The following ROBO2 variants were observed in gnomAD, a reference collection of about 807,000 sequenced individuals.
The protein encoded by ROBO2 is roundabout homolog 2.
A neutral mutation model predicts 160.8 loss-of-function variants in ROBO2; 53 were observed. The observed-to-expected ratio is 0.33, with a 90% CI of 0.26 to 0.41. The LOEUF is 0.41. Ranked by LOEUF, ROBO2 falls within the 10% of genes least tolerant of loss-of-function variation. The probability of loss-of-function intolerance (pLI) is 1.00; values close to 1 mark genes in which losing one functional copy is unlikely to be tolerated. For missense variants in ROBO2, 1,577 were observed against 1,722.4 expected, an observed-to-expected ratio of 0.92 and a Z score of 1.49; for synonymous variants, 664 against 611.7, an observed-to-expected ratio of 1.09 and a Z score of -1.26.
At chr3:76,220,441 A>G (rs1703890587) in intron 2 of ROBO2, among the ~76,000 whole-genome samples, 1 of 151,984 alleles carries the variant, frequency 6.6e-6, no homozygotes, top group Admixed American at 6.6e-5. Context: ...TCACACAGGG[A>G]TTAGTGCCTT....
intron 2 of ROBO2, among the ~76,000 whole-genome samples, chr3:76,521,906 G>A (rs1341261178): frequency 3.9e-5 from 6 of 152,146 alleles, no homozygotes; most frequent in Middle Eastern, 3.4e-3. Flanking sequence ...TATAAGCCAC[G>A]TGGCAATATA....
chr3:75,929,419 A>G (rs1947437858), intron 1 of ROBO2, among the ~76,000 whole-genome samples: 1 of 152,118 alleles, frequency 6.6e-6, no homozygotes, highest in South Asian at 2.1e-4. Context: ...GCTAAGTTCC[A>G]TATTGCTTTG....
intron 2 of ROBO2, among the ~76,000 whole-genome samples, chr3:77,012,729 G>A (rs1003256813): frequency 3.3e-5 from 5 of 152,134 alleles, no homozygotes; most frequent in African/African-American, 1.2e-4. Context: ...AAAAATTCAG[G>A]TTGTCAGACC....
intron 2 of ROBO2, among the ~76,000 whole-genome samples, chr3:76,644,913 A>G (rs936249909): frequency 5.9e-5 from 9 of 152,346 alleles, no homozygotes; most frequent in Admixed American, 3.9e-4. Context: ...TGACAACCCT[A>G]TGAAATGGGC....
In ROBO2 at chr3:76,335,173, G is replaced by GT. The variant is rs2073783018; in HGVS notation, c.109+397575dup. Among the ~76,000 whole-genome samples the GT allele has an allele frequency of 8.3e-4, 78 of 94,134 alleles. 1 individual carries two copies. Among genetic ancestry groups the GT allele is most frequent in the South Asian group, 1.5e-3 (4 of 2,714 alleles). 61.8% of individuals were successfully genotyped at this position (94,134 alleles called of 152,430 possible). A position where few individuals can be genotyped will look rare whatever the true frequency, so the allele number is the denominator to read the frequency against. On this transcript the variant is annotated intron_variant, in intron 2 of 26. Coordinates refer to the ROBO2 transcript ENST00000487694. ...TGAGCCACCACATCCAAACTTTTCT[G>GT]TTTTGTTTTTTTTTTTTTTTTTTTT...
intron 5 of ROBO2, among the ~76,000 whole-genome samples, chr3:77,509,310 A>G (rs772442131): frequency 6.6e-6 from 1 of 152,056 alleles, no homozygotes; most frequent in Non-Finnish European, 1.5e-5. Context: ...ACAAAGGAAA[A>G]GCAGCAAGTT....
At position 77,047,680 on chromosome 3, in the gene ROBO2, C is replaced by T. The variant is rs530398200; in HGVS notation, c.61+6834C>T. ...CCAGCCTAGGCAACGGGCAAAACTC[C>T]GTCTCAAAAAAATATATATAATGAT... On this transcript the variant is annotated intron_variant, in intron 1 of 25. Coordinates refer to ENST00000461745, the Ensembl canonical transcript of ROBO2. Among the ~76,000 whole-genome samples the T allele has an allele frequency of 1.5e-4, 22 of 148,312 alleles. No homozygotes were observed. In the South Asian group the frequency reaches 3.6e-3, roughly 24 times the overall value.
intron 2 of ROBO2, among the ~76,000 whole-genome samples, chr3:77,016,251 A>G (rs1188565271): frequency 6.6e-6 from 1 of 152,164 alleles, no homozygotes; most frequent in Non-Finnish European, 1.5e-5. Context: ...CTGGGATTAC[A>G]GGCATGAGCC....
At chr3:76,336,231 G>GA (rs11414512) in intron 2 of ROBO2, among the ~76,000 whole-genome samples, 115,350 of 151,878 alleles carry the variant, frequency 0.76, 46,851 homozygotes, top group East Asian at 0.96. Flanking sequence ...GTAGCAAGAA[G>GA]AAAAAAAGGA....
At chr3:76,827,423 G>A (rs900264124) in intron 2 of ROBO2, among the ~76,000 whole-genome samples, 12 of 152,086 alleles carry the variant, frequency 7.9e-5, no homozygotes, top group African/African-American at 2.9e-4. Context: ...AACCCATGAA[G>A]TTTAAGATAA....
chr3:76,548,042 C>T (rs2083207878), intron 2 of ROBO2, among the ~76,000 whole-genome samples: 1 of 152,136 alleles, frequency 6.6e-6, no homozygotes, highest in South Asian at 2.1e-4. Flanking sequence ...ATTCCTAAAT[C>T]AATCACCTTT....
intron 2 of ROBO2, among the ~76,000 whole-genome samples, chr3:76,060,562 T>C (rs2068039091): frequency 6.6e-6 from 1 of 152,218 alleles, no homozygotes; most frequent in African/African-American, 2.4e-5. Context: ...TTTTGAAGGC[T>C]GGCAGCAATT....
At chr3:76,160,244 C>A (rs2072568064) in intron 2 of ROBO2, among the ~76,000 whole-genome samples, 1 of 152,124 alleles carries the variant, frequency 6.6e-6, no homozygotes, top group African/African-American at 2.4e-5. Flanking sequence ...TCTTGTTACT[C>A]TTCAAAGAAA....
At chr3:76,237,912 G>A (rs1294550432) in intron 2 of ROBO2, among the ~76,000 whole-genome samples, 1 of 152,086 alleles carries the variant, frequency 6.6e-6, no homozygotes, top group Non-Finnish European at 1.5e-5. Context: ...GAGATTAAAG[G>A]CATACCGAAG....
At chr3:76,535,659 AAG>A (rs2082455211) in intron 2 of ROBO2, among the ~76,000 whole-genome samples, 1 of 152,126 alleles carries the variant, frequency 6.6e-6, no homozygotes, top group African/African-American at 2.4e-5. Context: ...ATAATTAAAA[AAG>A]AGTGTATAAA....
At chr3:77,090,695 A>G (rs1398109558) in intron 1 of ROBO2, among the ~76,000 whole-genome samples, 2 of 152,012 alleles carry the variant, frequency 1.3e-5, no homozygotes, top group African/African-American at 4.8e-5. Flanking sequence ...TCTACCTGTT[A>G]CAAATGAGGC....
At chr3:76,214,953 C>T (rs754643756) in intron 2 of ROBO2, among the ~76,000 whole-genome samples, 9 of 152,108 alleles carry the variant, frequency 5.9e-5, no homozygotes, top group Non-Finnish European at 1.0e-4. Flanking sequence ...GGGTACTCCT[C>T]TGAGACAAAA....
intron 2 of ROBO2, among the ~76,000 whole-genome samples, chr3:76,312,482 T>C (rs1263830601): frequency 1.3e-5 from 2 of 152,206 alleles, no homozygotes; most frequent in Non-Finnish European, 2.9e-5. Context: ...CTACTGTACC[T>C]TTGAGGGAAA....
chr3:76,804,226 C>T (rs1177968371), intron 2 of ROBO2, among the ~76,000 whole-genome samples: 1 of 152,054 alleles, frequency 6.6e-6, no homozygotes, highest in Admixed American at 6.6e-5. Context: ...TAGTGGGTTA[C>T]TAGTTAGGGA....
Sources: gnomAD v4.1 joint callset for allele counts (sites outside exome capture counted in the v4.1 genomes callset) on GRCh38, gnomAD v4.1.1 for gene constraint, MANE v1.5 for transcripts, NCBI Gene and HGNC (gene_info 2026-07-23, HGNC 2026-07-21) for gene names.